The following CA10 variants were observed in gnomAD, a reference collection of about 807,000 sequenced individuals.
CA10 encodes carbonic anhydrase 10 (inactive).
In CA10, 14 loss-of-function variants were observed where a neutral mutation model predicts 44.2. The ratio of observed to expected loss-of-function variants is 0.32; its 90% CI spans 0.21 to 0.50. The LOEUF (loss-of-function observed/expected upper bound fraction) is 0.50. Among genes scored for constraint, CA10 ranks in the 20% least tolerant of loss-of-function variants. The pLI is 0.99. For missense variants in CA10, 350 were observed against 409.7 expected (o/e 0.85, Z 1.26); for synonymous variants, 159 against 141.6 (o/e 1.12, Z -0.87).
At chr17:51,817,585 TA>T (rs1452619347) in intron 3 of CA10, among the ~76,000 whole-genome samples, 1 of 152,166 alleles carries the variant, frequency 6.6e-6, no homozygotes, top group Admixed American at 6.5e-5. Flanking sequence ...CAACTGAATT[TA>T]AAGCCAGAAC....
At position 51,631,571 on chromosome 17, in the gene CA10, T is replaced by C. The variant is rs778195288; in HGVS notation, c.*13A>G. 3.7e-6 allele frequency: 6 copies of C among 1,611,922 alleles called. No homozygotes were observed. The Admixed American group carries it at 5.0e-5, about 13-fold the overall frequency. On this transcript the variant is annotated 3_prime_UTR_variant, in exon 9 of 9. Transcript: ENST00000451037. ...GCATTTCACTGAGGTGGGATTCTTC[T>C]TGGCTTTGTTCCCTACTTGAGGAGC...
In CA10 at chr17:51,893,349, G is replaced by A. The variant is rs17666563; in HGVS notation, c.279+37641C>T. ...CAGATGCAGAAACATAGCAACCATG[G>A]CAGGGGATACGGGAAGGGAAGCATT... On this transcript the variant is annotated intron_variant, in intron 3 of 8. Transcript: ENST00000451037. Among the ~76,000 whole-genome samples, 1,244 of 152,230 alleles carry A rather than the reference G, an allele frequency of 8.2e-3. 10 individuals are homozygous for A. Among genetic ancestry groups the A allele is most frequent in the Admixed American group, 0.014 (215 of 15,282 alleles).
chr17:51,954,135 A>G (rs1242303330), intron 2 of CA10, among the ~76,000 whole-genome samples: 1 of 152,148 alleles, frequency 6.6e-6, no homozygotes, highest in East Asian at 1.9e-4. Context: ...TTACAATTTG[A>G]CAGAAAGGAA....
chr17:52,034,845 C>T (rs59481666), intron 2 of CA10, among the ~76,000 whole-genome samples: 2,426 of 152,140 alleles, frequency 0.016, 74 homozygotes, highest in African/African-American at 0.056. Flanking sequence ...AGGTAGAGGA[C>T]AGGAGAGCTG....
chr17:51,856,966 C>T (rs1979074739), intron 3 of CA10, among the ~76,000 whole-genome samples: 1 of 152,142 alleles, frequency 6.6e-6, no homozygotes, highest in Non-Finnish European at 1.5e-5. Flanking sequence ...ATGGATTTTA[C>T]AGATGTCTGT....
chr17:51,879,955 C>A (rs1260487370), intron 3 of CA10, among the ~76,000 whole-genome samples: 1 of 152,070 alleles, frequency 6.6e-6, no homozygotes, highest in East Asian at 1.9e-4. Context: ...GAGGAAGTGC[C>A]CCTCCAAGGG....
At chr17:52,062,065 CTT>C (rs56369087) in intron 2 of CA10, among the ~76,000 whole-genome samples, 1 of 115,794 alleles carries the variant, frequency 8.6e-6, no homozygotes, top group African/African-American at 3.4e-5. Flanking sequence ...GGTGTGGCCA[CTT>C]TTTTTTTTTT....
Position 52,072,351 on chromosome 17 carries a change from T to C in CA10, c.104A>G (p.Tyr35Cys). The change falls in exon 2 of 9, where the codon TAC becomes TGC. Residue 35 changes from tyrosine (Y) to cysteine (C), a missense_variant. Transcript: ENST00000451037. Reference protein sequence around the residue: ...SPKIHEGWWAYKEVVQGSFVP... With the variant: ...SPKIHEGWWACKEVVQGSFVP... ...AAAGCTTCCCTGGACCACCTCCTTG[T>C]ATGCCCACCAGCCTTCATGGATTTT... is the stretch of plus-strand genomic sequence containing the variant. 2 of 1,613,468 alleles carry C rather than the reference T, an allele frequency of 1.2e-6. No individual in the cohort carries two copies. Among genetic ancestry groups the C allele is most frequent in the Non-Finnish European group, 1.7e-6 (2 of 1,179,480 alleles).
intron 1 of CA10, among the ~76,000 whole-genome samples, chr17:52,106,204 A>T (rs1000984750): frequency 6.6e-6 from 1 of 152,110 alleles, no homozygotes; most frequent in Non-Finnish European, 1.5e-5. Flanking sequence ...CACCCTCCAC[A>T]CTGATTTTGC....
intron 3 of CA10, among the ~76,000 whole-genome samples, chr17:51,795,760 C>A (rs1906681063): frequency 6.6e-6 from 1 of 152,220 alleles, no homozygotes; most frequent in Non-Finnish European, 1.5e-5. Flanking sequence ...ACAAGGTGAC[C>A]TCTGCATGGC....
At chr17:51,874,565 A>G (rs1267104836) in intron 3 of CA10, among the ~76,000 whole-genome samples, 2 of 152,306 alleles carry the variant, frequency 1.3e-5, no homozygotes, top group Non-Finnish European at 1.5e-5. Context: ...GGAAAGGCAT[A>G]TGAGAGAGCA....
intron 1 of CA10, among the ~76,000 whole-genome samples, chr17:52,105,007 C>G (rs1258405260): frequency 6.6e-6 from 1 of 152,136 alleles, no homozygotes; most frequent in South Asian, 2.1e-4. Flanking sequence ...TTAGACTCAC[C>G]TGAAGTCTAG....
At chr17:51,860,529 T>C (rs1342139613) in intron 3 of CA10, among the ~76,000 whole-genome samples, 3 of 152,174 alleles carry the variant, frequency 2.0e-5, no homozygotes, top group African/African-American at 7.2e-5. Flanking sequence ...AAGAACCAAC[T>C]GGTGGGGCAT....
chr17:51,811,096 T>C (rs2143738918), intron 3 of CA10, among the ~76,000 whole-genome samples: 1 of 151,276 alleles, frequency 6.6e-6, no homozygotes, highest in African/African-American at 2.4e-5. Context: ...GTCGGGAGGC[T>C]GAGGTCGGAG....
chr17:51,674,919 TA>T (rs1465464363), intron 4 of CA10, among the ~76,000 whole-genome samples: 1 of 152,230 alleles, frequency 6.6e-6, no homozygotes. Context: ...AGGCTGCTGC[TA>T]ATAACTACTT....
At chr17:51,919,533 T>C (rs1209010573) in intron 3 of CA10, among the ~76,000 whole-genome samples, 1 of 152,194 alleles carries the variant, frequency 6.6e-6, no homozygotes, top group Non-Finnish European at 1.5e-5. Flanking sequence ...CTCTCCCATG[T>C]TTAGATGGAT....
chr17:51,673,165 C>T lies in CA10; in HGVS notation c.466-19429G>A, dbSNP rs539814603. 7.2e-5 allele frequency among the ~76,000 whole-genome samples: 11 copies of T among 152,268 alleles called. No individual in the cohort carries two copies. The South Asian group carries it at 8.3e-4, about 11-fold the overall frequency. On this transcript the variant is annotated intron_variant, in intron 4 of 8. Transcript: ENST00000451037. ...GGTTGAGCAGTGATGAGAAAATGAACCCCCTAGCCCCAGCCAGCCCTGGAT... is the reference window on the plus strand; with the variant it reads ...GGTTGAGCAGTGATGAGAAAATGAATCCCCTAGCCCCAGCCAGCCCTGGAT...
At chr17:51,977,286 TAACAA>T (rs928421835) in intron 2 of CA10, among the ~76,000 whole-genome samples, 2 of 151,856 alleles carry the variant, frequency 1.3e-5, no homozygotes, top group African/African-American at 4.8e-5. Flanking sequence ...CAAAAATTCT[TAACAA>T]AATATTAGTA....
At chr17:51,756,420 G>C (rs559369998) in intron 3 of CA10, among the ~76,000 whole-genome samples, 1 of 151,558 alleles carries the variant, frequency 6.6e-6, no homozygotes, top group Non-Finnish European at 1.5e-5. Context: ...TAAAAGAGAA[G>C]AAGTCAGAAG....
Sources: allele counts gnomAD v4.1 joint callset (sites outside exome capture counted in the v4.1 genomes callset), GRCh38; gene constraint gnomAD v4.1.1; transcripts MANE v1.5; gene names NCBI Gene and HGNC (gene_info 2026-07-23, HGNC 2026-07-21).